The following ANKS1A variants were observed in gnomAD, a reference collection of about 807,000 sequenced individuals.
ANKS1A encodes the protein ankyrin repeat and SAM domain-containing protein 1A.
ANKS1A carries 55 observed loss-of-function variants against 120.3 expected under a neutral mutation model. That is an observed-to-expected ratio of 0.46 (90% CI 0.37 to 0.57). The LOEUF (loss-of-function observed/expected upper bound fraction) is 0.57. ANKS1A is among the 20% of genes least tolerant of loss of function. The pLI is 0.00. For missense variants in ANKS1A, 1,123 were observed against 1,480.3 expected (o/e 0.76, Z 3.96); for synonymous variants, 590 against 604.7 (o/e 0.98, Z 0.36).
intron 11 of ANKS1A, among the ~76,000 whole-genome samples, chr6:35,043,067 T>A (rs929838517): frequency 2.0e-5 from 3 of 152,210 alleles, no homozygotes; most frequent in African/African-American, 4.8e-5. Flanking sequence ...TGCCTTACAG[T>A]CTGTCAGGGT....
At chr6:34,976,699 A>G (rs369707273) in intron 3 of ANKS1A, among the ~76,000 whole-genome samples, 37 of 152,056 alleles carry the variant, frequency 2.4e-4, no homozygotes, top group Middle Eastern at 6.8e-3. Context: ...GAATAATGCC[A>G]TGAACTATGG....
rs910635009 is a variant in ANKS1A at position 34,923,250 on chromosome 6, A to T, written c.197+33651A>T. 2.6e-5 allele frequency among the ~76,000 whole-genome samples: 4 copies of T among 152,208 alleles called. No individual in the cohort carries two copies. In the East Asian group the frequency reaches 5.8e-4, roughly 22 times the overall value. On this transcript the variant is annotated intron_variant, in intron 1 of 23. Transcript: ENST00000360359. ...TGAGTGTTGCCTTGAGGGGCTTTGC[A>T]GCGAAGCCACGGGTGGGGAGTCTGC...
rs562306094 is a variant in ANKS1A at position 34,967,540 on chromosome 6, A to T, written c.278+221A>T. Among the ~76,000 whole-genome samples the T allele has an allele frequency of 2.1e-3, 261 of 122,132 alleles. 1 individual carries two copies. Among genetic ancestry groups the T allele is most frequent in the Middle Eastern group, 8.2e-3 (2 of 244 alleles). The allele number at this position is 122,132 out of a possible 152,430, so 80.1% of individuals were successfully genotyped here. ...ATCTCCACAAAAAAAAAAAAAAAAA[A>T]ATTTTTTTAATTAATCAGGCGTGGT... is the stretch of plus-strand genomic sequence containing the variant. On this transcript the variant is annotated intron_variant, in intron 2 of 23. Transcript: ENST00000360359.
At chr6:34,906,661 T>C (rs1767662315) in intron 1 of ANKS1A, among the ~76,000 whole-genome samples, 1 of 152,212 alleles carries the variant, frequency 6.6e-6, no homozygotes, top group South Asian at 2.1e-4. Flanking sequence ...TAATAATTGC[T>C]GCAGGCAAGA....
chr6:34,962,187 A>G (rs1252566883), intron 1 of ANKS1A, among the ~76,000 whole-genome samples: 1 of 152,186 alleles, frequency 6.6e-6, no homozygotes, highest in East Asian at 1.9e-4. Flanking sequence ...AAGAGATTTA[A>G]TTGCATTTAG....
At chr6:35,076,783 C>T (rs1777380067) in intron 13 of ANKS1A, among the ~76,000 whole-genome samples, 1 of 152,226 alleles carries the variant, frequency 6.6e-6, no homozygotes, top group East Asian at 1.9e-4. Context: ...GCGCCTGCCA[C>T]CACGCCCGGC....
At chr6:35,081,226 A>C in intron 17 of ANKS1A, 68 bp downstream of exon 17, 3 of 1,486,658 alleles carry the variant, frequency 2.0e-6, no homozygotes, top group Non-Finnish European at 1.8e-6. Context: ...AGGGCCTCCC[A>C]GAACCACCTG....
At chr6:34,899,171 A>G (rs987877200) in intron 1 of ANKS1A, among the ~76,000 whole-genome samples, 18 of 152,158 alleles carry the variant, frequency 1.2e-4, no homozygotes, top group African/African-American at 4.3e-4. Context: ...CTGGGAAGTA[A>G]TATACTGATT....
At chr6:34,943,103 G>C (rs1022470375) in intron 1 of ANKS1A, among the ~76,000 whole-genome samples, 1 of 152,028 alleles carries the variant, frequency 6.6e-6, no homozygotes, top group Non-Finnish European at 1.5e-5. Flanking sequence ...AAGTAGCTAG[G>C]AATACAGGTG....
chr6:35,083,747 C>G (rs1415295243), intron 20 of ANKS1A, among the ~76,000 whole-genome samples: 6 of 152,194 alleles, frequency 3.9e-5, no homozygotes, highest in Admixed American at 3.9e-4. Context: ...CTGGGCTCCA[C>G]TGGCCGCACA....
intron 1 of ANKS1A, among the ~76,000 whole-genome samples, chr6:34,963,156 C>T (rs981117970): frequency 1.3e-5 from 2 of 152,130 alleles, no homozygotes; most frequent in African/African-American, 2.4e-5. Flanking sequence ...GCCACCACAC[C>T]CGGCTGCGAT....
At chr6:35,030,012 T>A (rs1774825910) in intron 11 of ANKS1A, among the ~76,000 whole-genome samples, 1 of 152,104 alleles carries the variant, frequency 6.6e-6, no homozygotes, top group African/African-American at 2.4e-5. Context: ...CACTATTTGA[T>A]TCACTTTTCC....
chr6:34,902,859 T>A (rs1767430269), intron 1 of ANKS1A, among the ~76,000 whole-genome samples: 1 of 149,320 alleles, frequency 6.7e-6, no homozygotes, highest in African/African-American at 2.5e-5. Flanking sequence ...TTAGACTTGC[T>A]ATTGTCTTCA....
intron 1 of ANKS1A, among the ~76,000 whole-genome samples, chr6:34,922,739 G>C (rs1468897081): frequency 6.8e-6 from 1 of 147,230 alleles, no homozygotes; most frequent in Non-Finnish European, 1.5e-5. Flanking sequence ...CTGTAGCCAG[G>C]CTGGAGTGCA....
rs911355362 is a variant in ANKS1A at position 35,083,246 on chromosome 6, T to C, written c.2907+20T>C. The C allele has an allele frequency of 2.5e-6, 4 of 1,613,744 alleles. No individual in the cohort carries two copies. The highest frequency in any genetic ancestry group is 3.4e-6 in the Non-Finnish European group (4 of 1,179,944). On this transcript the variant is annotated intron_variant, in intron 19 of 23. Coordinates refer to ENST00000360359, the MANE Select transcript of ANKS1A (RefSeq NM_015245.3). Reference sequence around the variant, plus strand: ...ATGCGGGTAGGGTGCCTGTGTGGGCTGGAGGGCGCTGTGGGACTGGCCAGC... The same window carrying C: ...ATGCGGGTAGGGTGCCTGTGTGGGCCGGAGGGCGCTGTGGGACTGGCCAGC...
At chr6:35,007,220 C>T (rs1773510281) in intron 10 of ANKS1A, among the ~76,000 whole-genome samples, 1 of 152,100 alleles carries the variant, frequency 6.6e-6, no homozygotes, top group Non-Finnish European at 1.5e-5. Context: ...GCATCCTGTA[C>T]TATGCAGGAC....
In ANKS1A at chr6:35,084,145, C is replaced by T. The variant is rs1481197167; in HGVS notation, c.3019C>T (p.Arg1007Trp). Residue 1007 changes from arginine to tryptophan, a missense_variant, in exon 21 of 24, where the codon CGG (arginine) becomes TGG (tryptophan). Physicochemically the swap from Arg to Trp is moderately radical, Grantham distance 101 (BLOSUM62 -3). Transcript: ENST00000360359. The surrounding 1 kb of genome is among the most constrained non-coding windows in gnomAD (Gnocchi z 4.8). The part of the protein sequence containing the change: ...NKNVIAEHEI[R>W]NISCAAQDPE... Reference sequence around the variant, plus strand: ...GAACGTCATTGCAGAGCACGAGATCCGGAACATTTCCTGTGCGGCCCAGGA... The same window carrying T: ...GAACGTCATTGCAGAGCACGAGATCTGGAACATTTCCTGTGCGGCCCAGGA... The T allele has an allele frequency of 6.2e-6, 10 of 1,614,154 alleles. No individual in the cohort carries two copies. Among genetic ancestry groups the T allele is most frequent in the South Asian group, 1.1e-5 (1 of 91,084 alleles).
chr6:34,936,534 A>C (rs1484330745), intron 1 of ANKS1A, among the ~76,000 whole-genome samples: 1 of 152,194 alleles, frequency 6.6e-6, no homozygotes, highest in Non-Finnish European at 1.5e-5. Context: ...TTCTTTCAAC[A>C]GTTCATTTGC....
rs1776414288 is a variant in ANKS1A at position 35,060,109 on chromosome 6, T to C, written c.2078-38T>C. ...GCCGCTGCTACCGCCTTAATGGTTT[T>C]TCCCTTTTCAAGCGTCTGCCGATTC... On this transcript the variant is annotated intron_variant, in intron 12 of 23. Coordinates refer to ENST00000360359, the MANE Select transcript of ANKS1A (RefSeq NM_015245.3). This position sits in a 1 kb window ranked among gnomAD's most constrained non-coding sequence, Gnocchi z 4.5. 4.5e-6 allele frequency: 7 copies of C among 1,564,252 alleles called. No homozygotes were observed. The highest frequency in any genetic ancestry group is 6.1e-6 in the Non-Finnish European group (7 of 1,141,664).
Sources: gnomAD v4.1 joint callset for allele counts (sites outside exome capture counted in the v4.1 genomes callset) on GRCh38, gnomAD v4.1.1 for gene constraint, Gnocchi (gnomAD v3.1) non-coding constraint, MANE v1.5 for transcripts, NCBI Gene and HGNC (gene_info 2026-07-23, HGNC 2026-07-21) for gene names.